Variants in SCP2 observed in about 807,000 individuals in gnomAD.
SCP2 encodes sterol carrier protein 2.
SCP2 carries 48 observed loss-of-function variants against 71.4 expected under a neutral mutation model. The ratio of observed to expected loss-of-function variants is 0.67; its 90% confidence interval spans 0.53 to 0.86. The LOEUF is 0.86. SCP2 is among the 40% of genes least tolerant of loss of function. SCP2 has a pLI of 0.00. For synonymous variants in SCP2, 220 were observed against 218.1 expected, an observed-to-expected ratio of 1.01 and a Z score of -0.08; for missense variants, 560 against 655.6, an observed-to-expected ratio of 0.85 and a Z score of 1.59.
At chr1:52,987,784 T>A (rs1379344058) in intron 10 of SCP2, among the ~76,000 whole-genome samples, 2 of 152,236 alleles carry the variant, frequency 1.3e-5, no homozygotes, top group African/African-American at 2.4e-5. Context: ...CTACCATATT[T>A]AGAGCAATTT....
chr1:52,979,011 T>C (rs1010128200), intron 9 of SCP2, among the ~76,000 whole-genome samples: 1 of 152,142 alleles, frequency 6.6e-6, no homozygotes, highest in Non-Finnish European at 1.5e-5. Flanking sequence ...TACACAAAAT[T>C]GCATGCTAAA....
chr1:52,993,731 A>C, intron 11 of SCP2: 1 of 1,608,918 alleles, frequency 6.2e-7, no homozygotes, highest in Non-Finnish European at 8.5e-7. Flanking sequence ...AAACATTTGT[A>C]ATATGATTGA....
At chr1:53,020,231 T>G (rs1371208188) in intron 12 of SCP2, among the ~76,000 whole-genome samples, 1 of 152,056 alleles carries the variant, frequency 6.6e-6, no homozygotes, top group Admixed American at 6.6e-5. Context: ...TTAATCAACT[T>G]TTTGATCACA....
At chr1:52,949,439 A>G (rs745705789) in intron 3 of SCP2, among the ~76,000 whole-genome samples, 30 of 152,238 alleles carry the variant, frequency 2.0e-4, no homozygotes, top group Non-Finnish European at 4.0e-4. Context: ...TTTACTCAGC[A>G]AGGCCATTTT....
chr1:52,943,927 G>A (rs185548283), intron 2 of SCP2: 2 of 408,890 alleles, frequency 4.9e-6, no homozygotes, highest in East Asian at 1.4e-4. Flanking sequence ...CTTTGTACTA[G>A]CCATGGTATA....
At chr1:53,013,217 G>A (rs1661096998) in intron 11 of SCP2, among the ~76,000 whole-genome samples, 1 of 150,430 alleles carries the variant, frequency 6.6e-6, no homozygotes, top group African/African-American at 2.5e-5. Flanking sequence ...CTGGGCTCAG[G>A]CCATCCTCCT....
intron 12 of SCP2, among the ~76,000 whole-genome samples, chr1:53,016,148 C>G (rs1034120854): frequency 4.6e-5 from 7 of 152,042 alleles, no homozygotes; most frequent in Non-Finnish European, 8.8e-5. Context: ...CTATGTTATT[C>G]TTCTGTAAGC....
chr1:52,977,447 C>T (rs1557579288), intron 8 of SCP2, among the ~76,000 whole-genome samples: 1 of 152,182 alleles, frequency 6.6e-6, no homozygotes, highest in African/African-American at 2.4e-5. Context: ...TTTAAGATCT[C>T]GAGAGTCTTA....
At chr1:53,037,924 A>C (rs1456811599) in intron 13 of SCP2, among the ~76,000 whole-genome samples, 1 of 130,346 alleles carries the variant, frequency 7.7e-6, no homozygotes, top group Non-Finnish European at 1.7e-5. Context: ...ACACACACAC[A>C]CACACAGATC....
chr1:53,032,580 C>A (rs1374106533), intron 13 of SCP2, among the ~76,000 whole-genome samples: 1 of 152,142 alleles, frequency 6.6e-6, no homozygotes, highest in Non-Finnish European at 1.5e-5. Flanking sequence ...TCAACATGTT[C>A]ATGGAATTCA....
At chr1:52,953,844 C>T (rs1371925360) in intron 4 of SCP2, among the ~76,000 whole-genome samples, 1 of 142,476 alleles carries the variant, frequency 7.0e-6, no homozygotes, top group African/African-American at 2.6e-5. Flanking sequence ...AAAAAAAAAG[C>T]AAGAAAACTG....
chr1:52,977,976 A>G (rs1181731307), intron 8 of SCP2, among the ~76,000 whole-genome samples: 1 of 152,108 alleles, frequency 6.6e-6, no homozygotes, highest in Non-Finnish European at 1.5e-5. Context: ...CAAAAAAAAA[A>G]AAAAGAACTT....
chr1:53,011,630 T>G (rs1660993737), intron 11 of SCP2, among the ~76,000 whole-genome samples: 1 of 152,224 alleles, frequency 6.6e-6, no homozygotes, highest in Admixed American at 6.5e-5. Flanking sequence ...TGGCTTGGAC[T>G]TGCATTTGGC....
intron 10 of SCP2, among the ~76,000 whole-genome samples, chr1:52,983,188 G>A (rs1008818149): frequency 1.3e-5 from 2 of 152,180 alleles, no homozygotes; most frequent in African/African-American, 2.4e-5. Context: ...AGTTTCTAAC[G>A]AGGAGTCATG....
At position 52,950,442 on chromosome 1, in the gene SCP2, A is replaced by G. The variant is rs554941938; in HGVS notation, c.200-313A>G. Among the ~76,000 whole-genome samples, 3 of 152,268 alleles carry G rather than the reference A, an allele frequency of 2.0e-5. No individual in the cohort carries two copies. In the East Asian group the frequency reaches 5.8e-4, roughly 29 times the overall value. On this transcript the variant is annotated intron_variant, in intron 3 of 15. Coordinates refer to ENST00000371514, the MANE Select transcript of SCP2 (RefSeq NM_002979.5). ...GCCAAGGTTTAAAGATTTTTTTCTG[A>G]CATTTAGGTGTTAATGAAATATTGC...
In SCP2 at chr1:52,970,972, T is replaced by A. The variant is rs1025249487; in HGVS notation, c.524-3797T>A. On this transcript the variant is annotated intron_variant, in intron 6 of 15. Coordinates refer to ENST00000371514, the MANE Select transcript of SCP2 (RefSeq NM_002979.5). ...AGAGGCTATAGAGAGACACAGATTT[T>A]TTTTTTTTTTTTTTTTTTTTTGAGA... Among the ~76,000 whole-genome samples, 33 of 131,212 alleles carry A rather than the reference T, an allele frequency of 2.5e-4. No individual in the cohort carries two copies. The East Asian group carries it at 7.0e-3, about 28-fold the overall frequency. 86.1% of individuals were successfully genotyped at this position (131,212 alleles called of 152,430 possible).
At chr1:53,004,099 C>T (rs532237219) in intron 11 of SCP2, among the ~76,000 whole-genome samples, 49 of 152,216 alleles carry the variant, frequency 3.2e-4, no homozygotes, top group African/African-American at 9.4e-4. Flanking sequence ...AACTGACTAA[C>T]GGGTGGGTGG....
chr1:52,977,929 A>G (rs1039743989), intron 8 of SCP2, among the ~76,000 whole-genome samples: 34 of 151,746 alleles, frequency 2.2e-4, no homozygotes, highest in Non-Finnish European at 3.7e-4. Flanking sequence ...TAACACCATT[A>G]TACTCCAGCC....
intron 11 of SCP2, among the ~76,000 whole-genome samples, 181 bp from the exon 12 acceptor site, chr1:53,014,709 G>A: frequency 6.6e-6 from 1 of 152,208 alleles, no homozygotes; most frequent in African/African-American, 2.4e-5. Context: ...AAGAGTGCAG[G>A]AAAGAAATTT....
Sources: allele counts gnomAD v4.1 joint callset (sites outside exome capture counted in the v4.1 genomes callset), GRCh38; gene constraint gnomAD v4.1.1; transcripts MANE v1.5; gene names NCBI Gene and HGNC (gene_info 2026-07-23, HGNC 2026-07-21).